The following AKAP12 variants were observed in gnomAD, a reference collection of about 807,000 sequenced individuals.
AKAP12 encodes A-kinase anchoring protein 12, also known as A-kinase anchor protein 12.
AKAP12 carries 32 observed loss-of-function variants against 79.9 expected under a neutral mutation model. The ratio of observed to expected loss-of-function variants is 0.40; its 90% CI spans 0.30 to 0.54. The LOEUF (loss-of-function observed/expected upper bound fraction) is 0.54. AKAP12 is among the 20% of genes least tolerant of loss of function. AKAP12 has a pLI of 0.48. For synonymous variants in AKAP12, 808 were observed against 857.0 expected (o/e 0.94, Z 1.00); for missense variants, 2,074 against 2,177.0 (o/e 0.95, Z 0.94).
At chr6:151,285,034 A>G (rs1776473097) in intron 2 of AKAP12, among the ~76,000 whole-genome samples, 1 of 152,244 alleles carries the variant, frequency 6.6e-6, no homozygotes, top group Non-Finnish European at 1.5e-5. Flanking sequence ...TCTGGACTGC[A>G]AGATTCAGGC....
At chr6:151,341,850 C>T in intron 3 of AKAP12, 3 of 1,236,292 alleles carry the variant, frequency 2.4e-6, no homozygotes, top group Non-Finnish European at 3.2e-6. Context: ...TCTCTACTGG[C>T]CAAGGCGCGC....
intron 2 of AKAP12, among the ~76,000 whole-genome samples, chr6:151,249,886 T>C (rs539364201): frequency 6.6e-6 from 1 of 152,314 alleles, no homozygotes; most frequent in Admixed American, 6.5e-5. Context: ...GTGTTACCCT[T>C]GTCTCTTTCA....
At chr6:151,245,638 CAGAG>C (rs1326760577) in intron 2 of AKAP12, among the ~76,000 whole-genome samples, 1 of 108,876 alleles carries the variant, frequency 9.2e-6, no homozygotes, top group East Asian at 2.6e-4. Flanking sequence ...GCCTGGGCGA[CAGAG>C]AGAGACTCCG....
intron 2 of AKAP12, among the ~76,000 whole-genome samples, chr6:151,286,978 G>T (rs1329657227): frequency 8.1e-5 from 12 of 148,826 alleles, no homozygotes; most frequent in South Asian, 2.1e-4. Context: ...TCGCTCTGTT[G>T]CCCAGGCTGG....
chr6:151,244,643 A>G (rs1464843976), intron 2 of AKAP12, among the ~76,000 whole-genome samples: 2 of 152,254 alleles, frequency 1.3e-5, no homozygotes, highest in African/African-American at 2.4e-5. Context: ...ATGGAGAACG[A>G]AGATGGCCTC....
At chr6:151,255,214 G>A (rs1480163755) in intron 2 of AKAP12, among the ~76,000 whole-genome samples, 1 of 151,618 alleles carries the variant, frequency 6.6e-6, no homozygotes, top group Non-Finnish European at 1.5e-5. Flanking sequence ...TGCCCAGGCT[G>A]GAGTGCAGTG....
intron 2 of AKAP12, among the ~76,000 whole-genome samples, chr6:151,289,944 C>G (rs972604841): frequency 1.3e-5 from 2 of 152,158 alleles, no homozygotes; most frequent in Admixed American, 6.6e-5. Context: ...CCTTGGGTAA[C>G]ATGATGACTA....
intron 2 of AKAP12, among the ~76,000 whole-genome samples, chr6:151,247,805 C>T (rs1422454757): frequency 1.3e-5 from 2 of 152,162 alleles, no homozygotes; most frequent in Non-Finnish European, 2.9e-5. Flanking sequence ...GGATGGTATA[C>T]ATGGATTTTC....
chr6:151,336,110 A>G (rs529290746), intron 3 of AKAP12, among the ~76,000 whole-genome samples: 10 of 152,234 alleles, frequency 6.6e-5, no homozygotes, highest in Middle Eastern at 3.4e-3. Context: ...CTTCTTTTTC[A>G]TGGCTGCATA....
intron 3 of AKAP12, among the ~76,000 whole-genome samples, chr6:151,347,216 T>C (rs1778124182): frequency 6.6e-6 from 1 of 152,248 alleles, no homozygotes; most frequent in Non-Finnish European, 1.5e-5. Context: ...ATCTCCTTTC[T>C]GTTACAACAA....
intron 2 of AKAP12, among the ~76,000 whole-genome samples, chr6:151,282,570 A>C (rs1348279887): frequency 6.6e-6 from 1 of 152,138 alleles, no homozygotes; most frequent in Non-Finnish European, 1.5e-5. Flanking sequence ...GGCCCCCAGG[A>C]CAGGTGGATG....
intron 3 of AKAP12, among the ~76,000 whole-genome samples, chr6:151,312,671 A>T (rs9322316): frequency 0.54 from 81,517 of 151,480 alleles, 23,095 homozygotes; most frequent in African/African-American, 0.74. Flanking sequence ...GGGCGCCTGT[A>T]GTCCCAGCCA....
intron 2 of AKAP12, among the ~76,000 whole-genome samples, chr6:151,303,343 T>A (rs1217044686): frequency 1.3e-5 from 2 of 152,184 alleles, no homozygotes; most frequent in African/African-American, 4.8e-5. Context: ...GAGAAGACTT[T>A]AAGTGGAAAT....
chr6:151,325,870 A>G, intron 3 of AKAP12: 2 of 1,614,112 alleles, frequency 1.2e-6, no homozygotes, highest in Non-Finnish European at 1.7e-6. Context: ...TATGCTGGGG[A>G]CCATCACCAT....
intron 2 of AKAP12, among the ~76,000 whole-genome samples, chr6:151,288,165 TAACA>T (rs1487761370): frequency 1.3e-5 from 2 of 150,974 alleles, no homozygotes; most frequent in South Asian, 4.2e-4. Flanking sequence ...TATACCTCTC[TAACA>T]AACCTGCGTG....
At chr6:151,317,096 G>A (rs181439269) in intron 3 of AKAP12, among the ~76,000 whole-genome samples, 1 of 152,240 alleles carries the variant, frequency 6.6e-6, no homozygotes, top group East Asian at 1.9e-4. Flanking sequence ...TCATAACACC[G>A]CCTCCATGAG....
intron 2 of AKAP12, among the ~76,000 whole-genome samples, chr6:151,301,630 T>C (rs910785260): frequency 6.6e-6 from 1 of 152,238 alleles, no homozygotes; most frequent in Admixed American, 6.5e-5. Flanking sequence ...CATGTCTGAA[T>C]GTGACAATCT....
At chr6:151,284,663 A>G (rs1223540881) in intron 2 of AKAP12, among the ~76,000 whole-genome samples, 1 of 152,080 alleles carries the variant, frequency 6.6e-6, no homozygotes, top group Non-Finnish European at 1.5e-5. Context: ...GAATGAACAC[A>G]TGTCGATGTC....
chr6:151,290,711 T>C (rs1230863541), intron 2 of AKAP12, among the ~76,000 whole-genome samples: 1 of 152,114 alleles, frequency 6.6e-6, no homozygotes, highest in Non-Finnish European at 1.5e-5. Flanking sequence ...GTTCAAGCGA[T>C]TCTTCTGCCT....
Sources: gnomAD v4.1 joint callset for allele counts (sites outside exome capture counted in the v4.1 genomes callset) on GRCh38, gnomAD v4.1.1 for gene constraint, MANE v1.5 for transcripts, NCBI Gene and HGNC (gene_info 2026-07-23, HGNC 2026-07-21) for gene names.